Variants in TRRAP observed in about 807,000 individuals in gnomAD.
TRRAP encodes the protein transformation/transcription domain-associated protein.
In TRRAP, 41 loss-of-function variants were observed where a neutral mutation model predicts 438.8. The ratio of observed to expected loss-of-function variants is 0.09; its 90% CI spans 0.07 to 0.12. The LOEUF is 0.12. TRRAP is among the 10% of genes least tolerant of loss of function. The pLI, the probability that TRRAP is intolerant of heterozygous loss-of-function variation, is 1.00. For synonymous variants in TRRAP, 1,994 were observed against 1,962.9 expected, an observed-to-expected ratio of 1.02 and a Z score of -0.42; for missense variants, 3,122 against 5,055.1, an observed-to-expected ratio of 0.62 and a Z score of 11.60.
intron 17 of TRRAP, 146 bp downstream of exon 17, chr7:98,911,417 A>G (rs1203471563): frequency 5.5e-5 from 44 of 795,286 alleles, no homozygotes; most frequent in Non-Finnish European, 7.8e-5. Flanking sequence ...ATTAGGCCAT[A>G]ATGTCTTGAA....
In TRRAP at chr7:98,937,706, G is replaced by A; in HGVS notation, c.4290G>A (p.Leu1430=). The change falls in exon 30 of 73, where the codon TTG becomes TTA. Residue 1430 remains leucine, a synonymous_variant. Transcript: ENST00000456197. ...VDQIHTHMRP[L]LMMLGDYRSL... is the part of the protein sequence containing the mutation. ...AAATCCACACACATATGCGACCTTT[G>A]CTGATGATGCTGGGAGATTACCGGA... The A allele has an allele frequency of 6.2e-7, 1 of 1,614,012 alleles. No individual in the cohort carries two copies. The highest frequency in any genetic ancestry group is 8.5e-7 in the Non-Finnish European group (1 of 1,179,972).
In TRRAP at chr7:98,994,460, G is replaced by A. The variant is rs1793563081; in HGVS notation, c.10048-127G>A. 7.4e-7 allele frequency: 1 copy of A among 1,358,054 alleles called. No individual in the cohort carries two copies. Among genetic ancestry groups the A allele is most frequent in the Admixed American group, 2.0e-5 (1 of 49,880 alleles). The allele number at this position is 1,358,054 out of a possible 1,614,324, so 84.1% of individuals were successfully genotyped here. On this transcript the variant is annotated intron_variant, in intron 66 of 72. Coordinates refer to ENST00000456197, the MANE Select transcript of TRRAP (RefSeq NM_001375524.1). This position sits in a 1 kb window ranked among gnomAD's most constrained non-coding sequence, Gnocchi z 4.8. Reference sequence around the variant, plus strand: ...CACGCCGATTTCATGCCTGCTGTGTGTGGGTCCTGCCGGGGAGTGCAGAGA... The same window carrying A: ...CACGCCGATTTCATGCCTGCTGTGTATGGGTCCTGCCGGGGAGTGCAGAGA...
Position 98,937,146 on chromosome 7 carries a change from C to G in TRRAP, c.4112-10C>G. ...TAATAATGGAATTGTCTTGATTTCTCTCCCTGAAGATGCACTTGCTGCCTG... is the reference window on the plus strand; with the variant it reads ...TAATAATGGAATTGTCTTGATTTCTGTCCCTGAAGATGCACTTGCTGCCTG... On this transcript the variant is annotated splice_polypyrimidine_tract_variant and intron_variant, in intron 28 of 72. Coordinates refer to ENST00000456197, the MANE Select transcript of TRRAP (RefSeq NM_001375524.1). 6.3e-7 allele frequency: 1 copy of G among 1,593,422 alleles called. No homozygotes were observed. The highest frequency in any genetic ancestry group is 2.3e-5 in the East Asian group (1 of 44,344).
Position 98,917,806 on chromosome 7 carries a change from G to A in TRRAP, c.2622+127G>A, listed in dbSNP as rs574359599. The A allele has an allele frequency of 1.9e-4, 241 of 1,287,832 alleles. 1 individual carries two copies. In the South Asian group the frequency reaches 2.7e-3, roughly 14 times the overall value. 79.8% of individuals were successfully genotyped at this position (1,287,832 alleles called of 1,614,324 possible). On this transcript the variant is annotated intron_variant, in intron 20 of 72. Coordinates refer to ENST00000456197, the MANE Select transcript of TRRAP (RefSeq NM_001375524.1). The stretch of plus-strand genomic sequence containing the variant: ...GCAGCTCTCTGTTTAATTCATCTTC[G>A]TGAGTCTTCTGGTGGATTGAAATAT...
rs1554417475 is a variant in TRRAP at position 98,948,752 on chromosome 7, T to C, written c.4788+67T>C. 1 of 1,609,236 alleles carries C rather than the reference T, an allele frequency of 6.2e-7. No homozygotes were observed. On this transcript the variant is annotated intron_variant, in intron 35 of 72. Coordinates refer to ENST00000456197, the MANE Select transcript of TRRAP (RefSeq NM_001375524.1). This position sits in a 1 kb window ranked among gnomAD's most constrained non-coding sequence, Gnocchi z 4.9. Reference sequence around the variant, plus strand: ...GCTTGTGAGCTGTCGTGCTCTGAAATGTTCAGTTCATATTTCACTATTCAG... The same window carrying C: ...GCTTGTGAGCTGTCGTGCTCTGAAACGTTCAGTTCATATTTCACTATTCAG...
rs782059334 is a variant in TRRAP, at chr7:98,956,271, C to A, written c.6063C>A (p.Ile2021=). The change falls in exon 42 of 73, where the codon ATC becomes ATA. Residue 2021 remains isoleucine, a synonymous_variant. Transcript: ENST00000456197. This position sits in a 1 kb window ranked among gnomAD's most constrained non-coding sequence, Gnocchi z 4.5. ...RLAVDLSEVV[I]KWELQRIKDQ... ...CCGTGGACCTGTCTGAAGTCGTCAT[C>A]AAGTGGGAGCTGCAGAGGATCAAGG... The A allele has an allele frequency of 2.5e-5, 41 of 1,614,110 alleles. No individual in the cohort carries two copies. Among genetic ancestry groups the A allele is most frequent in the Non-Finnish European group, 3.3e-5 (39 of 1,180,056 alleles).
At position 98,917,531 on chromosome 7, in the gene TRRAP, C is replaced by G; in HGVS notation, c.2474C>G (p.Pro825Arg). The G allele has an allele frequency of 6.2e-7, 1 of 1,614,188 alleles. No homozygotes were observed. The highest frequency in any genetic ancestry group is 8.5e-7 in the Non-Finnish European group (1 of 1,180,050). ...CTGAGCTCGCTTTTGCCGTACCTGC[C>G]CATGCTTATGGATCCCTTGGTGTCT... ...VRLSSLLPYL[P>R]MLMDPLVSAL... is the part of the protein sequence containing the mutation. The change falls in exon 20 of 73, where the codon CCC becomes CGC. Residue 825 changes from proline to arginine, a missense_variant. Pro to Arg is a moderately radical substitution (Grantham distance 103). Around this residue, in one of 24 missense-constraint regions of TRRAP, gnomAD observed 20 missense variants for 100.7 expected, o/e 0.20. Transcript: ENST00000456197.
Position 98,958,080 on chromosome 7 carries a change from G to A in TRRAP, c.6331G>A (p.Val2111Met), listed in dbSNP as rs189339918. The A allele has an allele frequency of 6.9e-5, 112 of 1,613,884 alleles. No individual in the cohort carries two copies. The highest frequency in any genetic ancestry group is 9.2e-5 in the Non-Finnish European group (108 of 1,179,984). The change falls in exon 44 of 73, where the codon GTG becomes ATG. Residue 2111 changes from valine to methionine, a missense_variant. Val to Met is a conservative substitution (Grantham distance 21). Coordinates refer to ENST00000456197, the MANE Select transcript of TRRAP (RefSeq NM_001375524.1). ...CACTGTGGTGAACTTCCTTATCCGC[G>A]TGGCCTGTCAGGTACGGGATCCAAG... is the stretch of plus-strand genomic sequence containing the variant. ...TDTVVNFLIR[V>M]ACQVNDNTNT...
intron 39 of TRRAP, 147 bp from the exon 40 acceptor site, chr7:98,953,020 T>C: frequency 9.8e-7 from 1 of 1,015,464 alleles, no homozygotes; most frequent in Non-Finnish European, 1.4e-6. Flanking sequence ...CTTGTAAAAC[T>C]TCATGTTACA....
At chr7:98,904,719 C>T (rs919706429) in intron 12 of TRRAP, among the ~76,000 whole-genome samples, 1 of 152,014 alleles carries the variant, frequency 6.6e-6, no homozygotes, top group South Asian at 2.1e-4. Context: ...TACTAGTTGG[C>T]TTGATTTTGT....
At position 98,880,262 on chromosome 7, in the gene TRRAP, G is replaced by GTTTTGTTT. The variant is rs1554402830; in HGVS notation, c.-61-824_-61-823insGTTTTTTT. Among the ~76,000 whole-genome samples the GTTTTGTTT allele has an allele frequency of 4.5e-5, 6 of 132,106 alleles. 1 individual carries two copies. The highest frequency in any genetic ancestry group is 7.8e-5 in the Non-Finnish European group (5 of 63,822). The allele number at this position is 132,106 out of a possible 152,430, so 86.7% of individuals were successfully genotyped here. ...CTGCCTGCGTTTTGTTGTTGTTGTT[G>GTTTTGTTT]TTTTTTTTTTTTTTTTTCCGAGACT... On this transcript the variant is annotated intron_variant, in intron 1 of 72. Coordinates refer to ENST00000456197, the MANE Select transcript of TRRAP (RefSeq NM_001375524.1).
At chr7:98,919,520 T>G (rs1401467953) in intron 20 of TRRAP, among the ~76,000 whole-genome samples, 1 of 152,158 alleles carries the variant, frequency 6.6e-6, no homozygotes, top group Non-Finnish European at 1.5e-5. Context: ...AAGAATCCGT[T>G]GAACTCAAGA....
intron 67 of TRRAP, among the ~76,000 whole-genome samples, chr7:99,001,535 T>TAA (rs138590601): frequency 2.6e-5 from 4 of 151,252 alleles, no homozygotes; most frequent in African/African-American, 7.3e-5. Flanking sequence ...GCTTTTGATG[T>TAA]AAAAAAAAAT....
At chr7:98,954,196 C>A (rs558840235) in intron 40 of TRRAP, among the ~76,000 whole-genome samples, 1 of 152,182 alleles carries the variant, frequency 6.6e-6, no homozygotes, top group Non-Finnish European at 1.5e-5. Flanking sequence ...TGGTATTGAG[C>A]GCTTCTTCCT....
chr7:98,924,030 A>G (rs1789923397), intron 21 of TRRAP, among the ~76,000 whole-genome samples: 1 of 152,238 alleles, frequency 6.6e-6, no homozygotes, highest in Non-Finnish European at 1.5e-5. Context: ...TGAGTTTAGT[A>G]AAAGCTTAAG....
At chr7:98,971,561 C>A (rs186742618) in intron 52 of TRRAP, among the ~76,000 whole-genome samples, 4 of 152,258 alleles carry the variant, frequency 2.6e-5, no homozygotes, top group Admixed American at 2.0e-4. Context: ...ACAAAAAACC[C>A]AAATGTGAAA....
At chr7:98,962,468 T>A in intron 47 of TRRAP, 41 bp downstream of exon 47, 1 of 1,613,012 alleles carries the variant, frequency 6.2e-7, no homozygotes, top group Non-Finnish European at 8.5e-7. Flanking sequence ...TGGCTCAGTT[T>A]GGCCTCTTTC....
intron 41 of TRRAP, 55 bp downstream of exon 41, chr7:98,955,359 A>T: frequency 6.6e-7 from 1 of 1,520,022 alleles, no homozygotes; most frequent in Non-Finnish European, 8.9e-7. Flanking sequence ...ATTCACTTTG[A>T]ACCTTTACCT....
Position 98,976,471 on chromosome 7 carries a change from C to A in TRRAP, c.7960-12C>A. ...TGAATGAAGGCCTAAATGACATGTG[C>A]TTTGGTTTCAGGCACTCGCGGGTGA... On this transcript the variant is annotated splice_polypyrimidine_tract_variant and intron_variant, in intron 54 of 72. Coordinates refer to ENST00000456197, the MANE Select transcript of TRRAP (RefSeq NM_001375524.1). This position sits in a 1 kb window ranked among gnomAD's most constrained non-coding sequence, Gnocchi z 4.6. 6.2e-7 allele frequency: 1 copy of A among 1,603,130 alleles called. No homozygotes were observed.
Sources: allele counts gnomAD v4.1 joint callset (sites outside exome capture counted in the v4.1 genomes callset), GRCh38; gene constraint gnomAD v4.1.1; regional missense constraint gnomAD v4.1.1; non-coding constraint Gnocchi (gnomAD v3.1); transcripts MANE v1.5; gene names NCBI Gene and HGNC (gene_info 2026-07-23, HGNC 2026-07-21).